HTR4: variants seen among roughly 807,000 people sequenced by gnomAD.
HTR4 encodes 5-hydroxytryptamine receptor 4, also known as 5-hydroxytryptamine (serotonin) receptor 4, G protein-coupled.
In HTR4, 16 loss-of-function variants were observed where a neutral mutation model predicts 36.8. The observed-to-expected ratio is 0.43, with a 90% CI of 0.29 to 0.66. HTR4 has a LOEUF of 0.66. Among genes scored for constraint, HTR4 ranks in the 30% least tolerant of loss-of-function variants. The pLI is 0.13. For synonymous variants in HTR4, 189 were observed against 185.1 expected (o/e 1.02, Z -0.17); for missense variants, 438 against 490.9 (o/e 0.89, Z 1.02).
chr5:148,513,941 T>C (rs918470214), intron 5 of HTR4, among the ~76,000 whole-genome samples: 12 of 152,290 alleles, frequency 7.9e-5, no homozygotes, highest in African/African-American at 2.9e-4. Flanking sequence ...TTGGTGAGGA[T>C]TTTTATTGTA....
downstream of HTR4, chr5:148,476,647 A>G (rs535378941): frequency 5.6e-5 from 89 of 1,591,352 alleles, no homozygotes; most frequent in Non-Finnish European, 7.4e-5. Flanking sequence ...ACATCCAATG[A>G]ATTTATTTGA....
intron 5 of HTR4, among the ~76,000 whole-genome samples, chr5:148,458,545 G>A (rs918813356): frequency 6.6e-6 from 1 of 152,044 alleles, no homozygotes; most frequent in Non-Finnish European, 1.5e-5. Flanking sequence ...CATGTCAGAG[G>A]GGGGATGAGA....
intron 6 of HTR4, among the ~76,000 whole-genome samples, chr5:148,497,106 A>G (rs1437350535): frequency 1.3e-5 from 2 of 152,170 alleles, no homozygotes; most frequent in African/African-American, 4.8e-5. Context: ...AGTTTCCTTC[A>G]ATAAAGGTCT....
chr5:148,509,299 T>C, intron 6 of HTR4, 157 bp downstream of exon 6: 3 of 592,748 alleles, frequency 5.1e-6, no homozygotes, highest in Non-Finnish European at 5.9e-6. Context: ...TTCTTAACCA[T>C]TGCTGTATTC....
chr5:148,519,038 G>A (rs548941176), intron 5 of HTR4, among the ~76,000 whole-genome samples: 2 of 151,920 alleles, frequency 1.3e-5, no homozygotes, highest in East Asian at 3.9e-4. Flanking sequence ...TTTCTCAATT[G>A]CCTATGGAAC....
intron 4 of HTR4, among the ~76,000 whole-genome samples, chr5:148,540,392 A>ATGTG (rs756015767): frequency 3.8e-5 from 2 of 52,904 alleles, no homozygotes; most frequent in South Asian, 8.1e-4. Flanking sequence ...GTTTTATTTT[A>ATGTG]TGTGTGTGTA....
intron 6 of HTR4, among the ~76,000 whole-genome samples, chr5:148,489,344 G>A (rs958491630): frequency 1.3e-5 from 2 of 152,134 alleles, no homozygotes; most frequent in Admixed American, 6.6e-5. Flanking sequence ...TGAACTCAGA[G>A]CCTGATTGAA....
intron 5 of HTR4, among the ~76,000 whole-genome samples, chr5:148,515,503 A>G (rs1314126126): frequency 3.9e-5 from 6 of 152,194 alleles, no homozygotes; most frequent in Non-Finnish European, 7.4e-5. Flanking sequence ...TAAAAGTCAC[A>G]ATACAAAAAC....
intron 2 of HTR4, among the ~76,000 whole-genome samples, chr5:148,618,655 T>G (rs930711643): frequency 2.6e-5 from 4 of 152,214 alleles, no homozygotes; most frequent in African/African-American, 2.4e-5. Flanking sequence ...CCTTTGTTGA[T>G]TTTAACCTTG....
At chr5:148,501,284 G>C (rs987426156) in intron 6 of HTR4, among the ~76,000 whole-genome samples, 1 of 152,172 alleles carries the variant, frequency 6.6e-6, no homozygotes, top group Non-Finnish European at 1.5e-5. Flanking sequence ...CATTTACATA[G>C]AGTGAGAAAA....
intron 4 of HTR4, among the ~76,000 whole-genome samples, chr5:148,538,916 G>A (rs892057782): frequency 1.1e-4 from 17 of 151,894 alleles, no homozygotes; most frequent in Admixed American, 2.0e-4. Flanking sequence ...CCCAAATAAC[G>A]AAGTCAATCC....
At chr5:148,516,239 T>C (rs577207853) in intron 5 of HTR4, among the ~76,000 whole-genome samples, 2 of 151,570 alleles carry the variant, frequency 1.3e-5, no homozygotes, top group East Asian at 3.9e-4. Context: ...TCAAATCTAC[T>C]ATTAAATTTA....
chr5:148,502,257 A>G (rs1756968279), intron 6 of HTR4, among the ~76,000 whole-genome samples: 1 of 152,196 alleles, frequency 6.6e-6, no homozygotes. Context: ...AAGTGGGGGC[A>G]GACTGATACC....
chr5:148,468,573 G>A (rs1755489878), intron 5 of HTR4, among the ~76,000 whole-genome samples: 1 of 152,150 alleles, frequency 6.6e-6, no homozygotes, highest in Admixed American at 6.5e-5. Flanking sequence ...ACAACAGTTG[G>A]GGAACAAGTC....
chr5:148,617,132 G>T (rs938118982), intron 2 of HTR4, among the ~76,000 whole-genome samples: 2 of 152,212 alleles, frequency 1.3e-5, no homozygotes, highest in African/African-American at 4.8e-5. Flanking sequence ...CATGAGGATA[G>T]ATTTCTCATA....
intron 6 of HTR4, among the ~76,000 whole-genome samples, chr5:148,488,220 A>C (rs371579301): frequency 6.6e-6 from 1 of 152,186 alleles, no homozygotes; most frequent in South Asian, 2.1e-4. Flanking sequence ...CAAACATAGG[A>C]TGTGTTCTGT....
intron 2 of HTR4, among the ~76,000 whole-genome samples, chr5:148,632,780 G>C (rs994393735): frequency 6.6e-6 from 1 of 152,076 alleles, no homozygotes; most frequent in African/African-American, 2.4e-5. Context: ...TGCATTTAGC[G>C]ATCACACTTG....
At chr5:148,613,562 AC>A (rs1752531739) in intron 2 of HTR4, among the ~76,000 whole-genome samples, 1 of 150,256 alleles carries the variant, frequency 6.7e-6, no homozygotes, top group African/African-American at 2.4e-5. Flanking sequence ...TGACAAACCC[AC>A]AGCCAATATC....
chr5:148,526,370 A>G (rs541012864), intron 4 of HTR4, among the ~76,000 whole-genome samples: 24 of 152,298 alleles, frequency 1.6e-4, no homozygotes, highest in Non-Finnish European at 2.9e-4. Flanking sequence ...AAGTTTTGGC[A>G]TCCTTTCTTC....
Sources: gnomAD v4.1 joint callset for allele counts (sites outside exome capture counted in the v4.1 genomes callset) on GRCh38, gnomAD v4.1.1 for gene constraint, MANE v1.5 for transcripts, NCBI Gene and HGNC (gene_info 2026-07-23, HGNC 2026-07-21) for gene names.